Variants in CYP7B1 observed in about 807,000 individuals in gnomAD.
The protein encoded by CYP7B1 is cytochrome P450 family 7 subfamily B member 1.
Under a neutral mutation model 42.7 loss-of-function variants are expected in CYP7B1, and 29 were observed. The observed-to-expected ratio is 0.68, with a 90% CI of 0.51 to 0.93. The LOEUF is 0.93. Ranked by LOEUF, CYP7B1 falls within the 40% of genes least tolerant of loss-of-function variation. The pLI, the probability that CYP7B1 is intolerant of heterozygous loss-of-function variation, is 0.00. For synonymous variants in CYP7B1, 235 were observed against 218.2 expected (o/e 1.08, Z -0.68); for missense variants, 655 against 600.5 (o/e 1.09, Z -0.95).
intron 1 of CYP7B1, among the ~76,000 whole-genome samples, chr8:64,687,149 A>C (rs1806666104): frequency 1.3e-5 from 2 of 152,068 alleles, no homozygotes; most frequent in South Asian, 2.1e-4. Flanking sequence ...TAAAAAAAAA[A>C]CATTAGGCAT....
At chr8:64,694,274 T>C (rs1806790776) in intron 1 of CYP7B1, among the ~76,000 whole-genome samples, 1 of 152,232 alleles carries the variant, frequency 6.6e-6, no homozygotes, top group Admixed American at 6.5e-5. Flanking sequence ...AATTACATGC[T>C]CAGGGTCAAA....
At chr8:64,696,126 C>T (rs1290939192) in intron 1 of CYP7B1, among the ~76,000 whole-genome samples, 1 of 152,098 alleles carries the variant, frequency 6.6e-6, no homozygotes, top group Non-Finnish European at 1.5e-5. Context: ...AATACAAGCA[C>T]TTATCATTTA....
rs1345873541 is a variant in CYP7B1, at chr8:64,591,345, AAT to A, written c.*5295_*5296del. On this transcript the variant is annotated 3_prime_UTR_variant, in exon 6 of 6. Transcript: ENST00000310193. ...TAACTTTTTCTGAATTCAATATGTT[AAT>A]ATGAGTATCTAATTATGCAATACAA... Among the ~76,000 whole-genome samples, 40 of 152,344 alleles carry A rather than the reference AAT, an allele frequency of 2.6e-4. No individual in the cohort carries two copies. Among genetic ancestry groups the A allele is most frequent in the African/African-American group, 9.4e-4 (39 of 41,586 alleles).
chr8:64,678,603 A>G (rs893077299), intron 1 of CYP7B1, among the ~76,000 whole-genome samples: 5 of 152,170 alleles, frequency 3.3e-5, no homozygotes, highest in Non-Finnish European at 7.4e-5. Context: ...AGAGTCTACA[A>G]TCAGTATTTG....
At chr8:64,722,640 G>T (rs1052238802) in intron 1 of CYP7B1, among the ~76,000 whole-genome samples, 1 of 148,492 alleles carries the variant, frequency 6.7e-6, no homozygotes, top group Non-Finnish European at 1.5e-5. Context: ...TCACTTTTAT[G>T]GTTTCAACTC....
At chr8:64,679,247 C>T (rs76248548) in intron 1 of CYP7B1, among the ~76,000 whole-genome samples, 2,140 of 152,212 alleles carry the variant, frequency 0.014, 56 homozygotes, top group African/African-American at 0.048. Flanking sequence ...ACAGTCTCTA[C>T]TTTGAGACTT....
intron 1 of CYP7B1, among the ~76,000 whole-genome samples, chr8:64,781,691 A>C (rs1329192910): frequency 1.3e-5 from 2 of 152,156 alleles, no homozygotes; most frequent in Non-Finnish European, 1.5e-5. Context: ...ATAATCCCCT[A>C]TTTTAAGGTC....
chr8:64,638,878 A>G (rs1411661956), intron 1 of CYP7B1, among the ~76,000 whole-genome samples: 2 of 151,780 alleles, frequency 1.3e-5, no homozygotes. Context: ...TATGTATTTT[A>G]AATTGGGACC....
intron 1 of CYP7B1, among the ~76,000 whole-genome samples, chr8:64,737,679 C>T (rs926980605): frequency 3.2e-4 from 49 of 152,336 alleles, no homozygotes; most frequent in African/African-American, 1.1e-3. Context: ...CTCCTCTTCT[C>T]AGTCCATCTT....
chr8:64,589,012 A>C (rs1805002643), downstream of CYP7B1, among the ~76,000 whole-genome samples: 1 of 152,252 alleles, frequency 6.6e-6, no homozygotes, highest in East Asian at 1.9e-4. Flanking sequence ...TAAAGTGTAG[A>C]TTTCTTAAGA....
Position 64,725,167 on chromosome 8 carries a change from C to T in CYP7B1, c.122+73299G>A, listed in dbSNP as rs562316556. On this transcript the variant is annotated intron_variant, in intron 1 of 5. Transcript: ENST00000310193. ...CTGTCCATTTTTCACCAAACCTACA[C>T]ATAAAAATAGGCAGTGTTCTCTGAG... Among the ~76,000 whole-genome samples, 70 of 152,356 alleles carry T rather than the reference C, an allele frequency of 4.6e-4. 1 individual carries two copies. The highest frequency in any genetic ancestry group is 4.1e-3 in the South Asian group (20 of 4,828).
At chr8:64,656,235 C>CA (rs1806118936) in intron 1 of CYP7B1, among the ~76,000 whole-genome samples, 1 of 151,914 alleles carries the variant, frequency 6.6e-6, no homozygotes, top group Non-Finnish European at 1.5e-5. Context: ...AACAAACAAA[C>CA]AAAAAACAGA....
chr8:64,726,023 T>C (rs1166980186), intron 1 of CYP7B1, among the ~76,000 whole-genome samples: 1 of 152,232 alleles, frequency 6.6e-6, no homozygotes, highest in Non-Finnish European at 1.5e-5. Flanking sequence ...TATCTTGTTC[T>C]CCTGTGAGGA....
At chr8:64,793,999 A>T (rs1481136676) in intron 1 of CYP7B1, among the ~76,000 whole-genome samples, 1 of 151,970 alleles carries the variant, frequency 6.6e-6, no homozygotes, top group Non-Finnish European at 1.5e-5. Context: ...ATACTTGCTG[A>T]AGAATAGGCA....
intron 1 of CYP7B1, among the ~76,000 whole-genome samples, chr8:64,755,314 C>T (rs1267986237): frequency 6.6e-6 from 1 of 152,236 alleles, no homozygotes; most frequent in Non-Finnish European, 1.5e-5. Context: ...TTATTTGTAA[C>T]AGCACTTCAC....
chr8:64,752,826 T>C (rs1372041570), intron 1 of CYP7B1, among the ~76,000 whole-genome samples: 1 of 152,228 alleles, frequency 6.6e-6, no homozygotes, highest in Admixed American at 6.5e-5. Context: ...GAGAAACTTC[T>C]GCACTTTAAT....
intron 1 of CYP7B1, among the ~76,000 whole-genome samples, chr8:64,789,508 C>G (rs1196367348): frequency 6.6e-6 from 1 of 152,294 alleles, no homozygotes; most frequent in Non-Finnish European, 1.5e-5. Context: ...TAACTACAAG[C>G]AAGCCTTTGC....
chr8:64,703,377 T>TA (rs921894930), intron 1 of CYP7B1, among the ~76,000 whole-genome samples: 2 of 152,054 alleles, frequency 1.3e-5, no homozygotes, highest in East Asian at 3.9e-4. Flanking sequence ...CATGATATTC[T>TA]ACTCTTCTTA....
intron 1 of CYP7B1, among the ~76,000 whole-genome samples, chr8:64,628,345 T>A (rs1358617865): frequency 6.6e-6 from 1 of 152,138 alleles, no homozygotes; most frequent in Non-Finnish European, 1.5e-5. Flanking sequence ...CAGTCCAAAG[T>A]TATCTGGAAA....
Sources: allele counts gnomAD v4.1 joint callset (sites outside exome capture counted in the v4.1 genomes callset), GRCh38; gene constraint gnomAD v4.1.1; transcripts MANE v1.5; gene names NCBI Gene and HGNC (gene_info 2026-07-23, HGNC 2026-07-21).